Variants in SESN3 observed in about 807,000 individuals in gnomAD.
The protein encoded by SESN3 is sestrin-3.
SESN3 carries 21 observed loss-of-function variants against 55.3 expected under a neutral mutation model. The observed-to-expected ratio is 0.38, with a 90% CI of 0.27 to 0.55. The LOEUF (loss-of-function observed/expected upper bound fraction) is 0.55. Among genes scored for constraint, SESN3 ranks in the 20% least tolerant of loss-of-function variants. The pLI, the probability that SESN3 is intolerant of heterozygous loss-of-function variation, is 0.76. For missense variants in SESN3, 408 were observed against 604.3 expected, an observed-to-expected ratio of 0.68 and a Z score of 3.41; for synonymous variants, 181 against 203.1, an observed-to-expected ratio of 0.89 and a Z score of 0.93.
intron 1 of SESN3, among the ~76,000 whole-genome samples, chr11:95,210,222 TA>T (rs893242236): frequency 3.3e-5 from 5 of 150,926 alleles, no homozygotes; most frequent in African/African-American, 1.2e-4. Flanking sequence ...TGTAGGGGGT[TA>T]GGGGAGGGAT....
chr11:95,221,535 TATTA>T (rs1860859629), intron 1 of SESN3, among the ~76,000 whole-genome samples: 1 of 152,190 alleles, frequency 6.6e-6, no homozygotes, highest in Non-Finnish European at 1.5e-5. Context: ...TACAAGTAGC[TATTA>T]ATTAGCAGAG....
At chr11:95,203,698 G>A (rs1310717782) in intron 1 of SESN3, 1 of 152,152 alleles carries the variant, frequency 6.6e-6, no homozygotes, top group Non-Finnish European at 1.5e-5. Context: ...AAAACCTACT[G>A]TAATCAGAAT....
In SESN3 at chr11:95,230,408, A is replaced by G. The variant is rs1861032950; in HGVS notation, c.78+375T>C. ...ACCCAGCTGCTCTGATTTCACACCG[A>G]CCTCCATCAACAGCTAAACTGCACA... On this transcript the variant is annotated intron_variant, in intron 1 of 9. Coordinates refer to ENST00000536441, the MANE Select transcript of SESN3 (RefSeq NM_144665.4). This position sits in a 1 kb window ranked among gnomAD's most constrained non-coding sequence, Gnocchi z 4.6. The G allele has an allele frequency of 5.3e-6, 1 of 187,412 alleles. No homozygotes were observed. Among genetic ancestry groups the G allele is most frequent in the South Asian group, 9.9e-5 (1 of 10,146 alleles). 11.6% of individuals were successfully genotyped at this position (187,412 alleles called of 1,614,324 possible).
intron 1 of SESN3, among the ~76,000 whole-genome samples, chr11:95,222,567 C>T (rs1460732921): frequency 2.0e-5 from 3 of 151,850 alleles, no homozygotes; most frequent in Non-Finnish European, 4.4e-5. Flanking sequence ...AATCAAAATC[C>T]TATTTTGCTA....
Position 95,230,550 on chromosome 11 carries a change from A to C in SESN3, c.78+233T>G. 1.9e-6 allele frequency: 1 copy of C among 519,114 alleles called. No individual in the cohort carries two copies. Among genetic ancestry groups the C allele is most frequent in the Non-Finnish European group, 3.4e-6 (1 of 294,696 alleles). The allele number at this position is 519,114 out of a possible 1,614,324, so 32.2% of individuals were successfully genotyped here. A position where few individuals can be genotyped will look rare whatever the true frequency, so the allele number is the denominator to read the frequency against. Reference sequence around the variant, plus strand: ...AGGCACCAAATAAAAGGAACAAGGGAAGAAAAAATATCCCAACCCCTCCAG... The same window carrying C: ...AGGCACCAAATAAAAGGAACAAGGGCAGAAAAAATATCCCAACCCCTCCAG... On this transcript the variant is annotated intron_variant, in intron 1 of 9. Transcript: ENST00000536441. This position sits in a 1 kb window ranked among gnomAD's most constrained non-coding sequence, Gnocchi z 4.6.
chr11:95,217,651 TAAA>T (rs66946901), intron 1 of SESN3, among the ~76,000 whole-genome samples: 8 of 137,858 alleles, frequency 5.8e-5, no homozygotes, highest in Admixed American at 7.3e-5. Flanking sequence ...AGACTCCGTT[TAAA>T]AAAAAAAAAA....
rs3032056 is a variant in SESN3 at position 95,206,365 on chromosome 11, TACACACACAC to T, written c.79-12853_79-12844del. On this transcript the variant is annotated intron_variant, in intron 1 of 9. Coordinates refer to ENST00000536441, the MANE Select transcript of SESN3 (RefSeq NM_144665.4). ...TCCTGGATTTATGCCAGTCCTAAAATACACACACACACACACACACACACACACACACACA... is the reference window on the plus strand; with the variant it reads ...TCCTGGATTTATGCCAGTCCTAAAATACACACACACACACACACACACACA... Among the ~76,000 whole-genome samples, 278 of 140,464 alleles carry T rather than the reference TACACACACAC, an allele frequency of 2.0e-3. 2 individuals are homozygous for T. The highest frequency in any genetic ancestry group is 5.7e-3 in the African/African-American group (220 of 38,312). The allele number at this position is 140,464 out of a possible 152,430, so 92.1% of individuals were successfully genotyped here. A position where few individuals can be genotyped will look rare whatever the true frequency, so the allele number is the denominator to read the frequency against.
In SESN3 at chr11:95,175,661, T is replaced by C. The variant is rs1206696698; in HGVS notation, c.1248-19A>G. On this transcript the variant is annotated intron_variant, in intron 8 of 9. Transcript: ENST00000536441. ...ATCATACCTACGAGCAATACAACAATAGCTTTATAATGACAAAATCAAAAT... is the reference window on the plus strand; with the variant it reads ...ATCATACCTACGAGCAATACAACAACAGCTTTATAATGACAAAATCAAAAT... 1.3e-6 allele frequency: 2 copies of C among 1,595,226 alleles called. No individual in the cohort carries two copies. Among genetic ancestry groups the C allele is most frequent in the Non-Finnish European group, 1.7e-6 (2 of 1,166,196 alleles).
At chr11:95,179,171 T>G (rs1195700813) in intron 6 of SESN3, among the ~76,000 whole-genome samples, 1 of 152,110 alleles carries the variant, frequency 6.6e-6, no homozygotes, top group African/African-American at 2.4e-5. Flanking sequence ...TTTTTTTTTT[T>G]TGAGACAGAG....
chr11:95,223,872 T>C (rs866588371), intron 1 of SESN3, among the ~76,000 whole-genome samples: 1 of 152,214 alleles, frequency 6.6e-6, no homozygotes, highest in Non-Finnish European at 1.5e-5. Context: ...TTTGTTTATG[T>C]GTGGGTTATA....
At chr11:95,212,095 A>G (rs11021079) in intron 1 of SESN3, among the ~76,000 whole-genome samples, 7,834 of 152,288 alleles carry the variant, frequency 0.051, 465 homozygotes, top group East Asian at 0.31. Context: ...ATTCAAATAT[A>G]TATTTTTAAA....
At chr11:95,206,877 C>A (rs1223327874) in intron 1 of SESN3, among the ~76,000 whole-genome samples, 1 of 151,942 alleles carries the variant, frequency 6.6e-6, no homozygotes, top group African/African-American at 2.4e-5. Context: ...CTCACTGTAA[C>A]CTCCACCTCC....
intron 4 of SESN3, among the ~76,000 whole-genome samples, chr11:95,185,926 T>C (rs530575306): frequency 6.6e-6 from 1 of 152,180 alleles, no homozygotes; most frequent in South Asian, 2.1e-4. Context: ...ATCCTTTAGA[T>C]ACCTTCTAAT....
chr11:95,211,362 C>T (rs1431903766), intron 1 of SESN3, among the ~76,000 whole-genome samples: 1 of 152,280 alleles, frequency 6.6e-6, no homozygotes, highest in East Asian at 1.9e-4. Context: ...GTTCAGCCAC[C>T]CCCATGACCC....
Position 95,166,941 on chromosome 11 carries a change from T to C in SESN3, c.*6314A>G, listed in dbSNP as rs2134200423. The stretch of plus-strand genomic sequence containing the variant: ...CACTTTCCTTGGTGAACAAGGGTAC[T>C]ATTTAACTCTTTTACCTTAGAGAAC... On this transcript the variant is annotated 3_prime_UTR_variant, in exon 10 of 10. Transcript: ENST00000536441. 1 of 152,370 alleles carries C rather than the reference T, an allele frequency of 6.6e-6. No individual in the cohort carries two copies. The highest frequency in any genetic ancestry group is 2.1e-4 in the South Asian group (1 of 4,832). 9.4% of individuals were successfully genotyped at this position (152,370 alleles called of 1,614,324 possible). A position where few individuals can be genotyped will look rare whatever the true frequency, so the allele number is the denominator to read the frequency against.
At chr11:95,182,451 G>C (rs1381210844) in intron 6 of SESN3, among the ~76,000 whole-genome samples, 2 of 152,122 alleles carry the variant, frequency 1.3e-5, no homozygotes, top group African/African-American at 4.8e-5. Context: ...GCCCTCTCCT[G>C]ATTTCCCATC....
At chr11:95,196,179 A>G (rs1860358177) in intron 1 of SESN3, among the ~76,000 whole-genome samples, 1 of 152,172 alleles carries the variant, frequency 6.6e-6, no homozygotes, top group African/African-American at 2.4e-5. Flanking sequence ...ATATTTTTTA[A>G]TGTTGCCATT....
intron 8 of SESN3, among the ~76,000 whole-genome samples, chr11:95,177,307 A>G (rs1384659313): frequency 6.6e-6 from 1 of 152,188 alleles, no homozygotes; most frequent in Non-Finnish European, 1.5e-5. Flanking sequence ...AGTTTTGTTT[A>G]TACCGTAATT....
intron 1 of SESN3, 144 bp from the exon 2 acceptor site, chr11:95,193,666 C>A (rs1207902563): frequency 3.4e-6 from 2 of 581,942 alleles, no homozygotes; most frequent in Admixed American, 3.0e-5. Context: ...GGTTTCAGAT[C>A]AAAGAAAACC....
Sources: allele counts gnomAD v4.1 joint callset (sites outside exome capture counted in the v4.1 genomes callset), GRCh38; gene constraint gnomAD v4.1.1; non-coding constraint Gnocchi (gnomAD v3.1); transcripts MANE v1.5; gene names NCBI Gene and HGNC (gene_info 2026-07-23, HGNC 2026-07-21).